Variants in GPHN observed in about 807,000 individuals in gnomAD.
GPHN encodes gephyrin.
In GPHN, 17 loss-of-function variants were observed where a neutral mutation model predicts 95.5. The ratio of observed to expected loss-of-function variants is 0.18; its 90% CI spans 0.12 to 0.27. The LOEUF is 0.27. Among genes scored for constraint, GPHN ranks in the 10% least tolerant of loss-of-function variants. The pLI, the probability that GPHN is intolerant of heterozygous loss-of-function variation, is 1.00. For missense variants in GPHN, 660 were observed against 978.1 expected (o/e 0.67, Z 4.34); for synonymous variants, 320 against 322.5 (o/e 0.99, Z 0.08).
chr14:67,192,881 T>TATCTATATATATATAGATATATATAG, the GPHN span, among the ~76,000 whole-genome samples: 1 of 146,608 alleles, frequency 6.8e-6, no homozygotes, highest in Admixed American at 6.9e-5. Flanking sequence ...TATATAGATA[T>TATCTATATATATATAGATATATATAG]ATATCTAGAT....
chr14:67,337,743 C>T, the GPHN span: 15 of 152,280 alleles, frequency 9.9e-5, no homozygotes, highest in African/African-American at 3.6e-4. Flanking sequence ...CACTCAAATG[C>T]TTCATCTTCA....
the GPHN span, among the ~76,000 whole-genome samples, chr14:67,694,864 A>G: frequency 6.6e-6 from 1 of 152,212 alleles, no homozygotes; most frequent in Middle Eastern, 3.4e-3. Flanking sequence ...GTGTCTGTCT[A>G]TTCAGTCACT....
chr14:67,501,450 G>A, the GPHN span, among the ~76,000 whole-genome samples: 172 of 152,138 alleles, frequency 1.1e-3, 2 homozygotes, highest in Non-Finnish European at 1.5e-3. Context: ...CTGCAGCCTC[G>A]ACCTCCTGGG....
the GPHN span, among the ~76,000 whole-genome samples, chr14:67,475,618 G>C: frequency 6.6e-6 from 1 of 152,146 alleles, no homozygotes; most frequent in Admixed American, 6.5e-5. Context: ...TCTCATTGTG[G>C]TCACATTTGT....
chr14:66,907,561 A>G (rs1275859228), intron 5 of GPHN, among the ~76,000 whole-genome samples: 1 of 148,556 alleles, frequency 6.7e-6, no homozygotes, highest in African/African-American at 2.4e-5. Context: ...AAGGCTTAAT[A>G]TATGCAAATT....
intron 1 of GPHN, among the ~76,000 whole-genome samples, chr14:66,587,847 A>G (rs2140556372): frequency 6.6e-6 from 1 of 152,298 alleles, no homozygotes; most frequent in East Asian, 1.9e-4. Context: ...GCCAGCTCTG[A>G]AGAGAGCAGC....
At chr14:67,174,999 T>G (rs2082846408) in intron 21 of GPHN, among the ~76,000 whole-genome samples, 1 of 152,226 alleles carries the variant, frequency 6.6e-6, no homozygotes, top group African/African-American at 2.4e-5. Context: ...ATGGGTAGAT[T>G]GTAAAAAATT....
At chr14:67,719,161 C>T in the GPHN span, among the ~76,000 whole-genome samples, 2 of 152,188 alleles carry the variant, frequency 1.3e-5, no homozygotes, top group Non-Finnish European at 2.9e-5. Flanking sequence ...CAATCATTGC[C>T]TATGGATGAC....
chr14:67,199,899 C>T, the GPHN span: 2 of 1,481,814 alleles, frequency 1.3e-6, no homozygotes, highest in African/African-American at 2.8e-5. Context: ...CGGCAGGAAC[C>T]CCAGGGGCAG....
chr14:67,296,675 T>C, the GPHN span, among the ~76,000 whole-genome samples: 7 of 152,140 alleles, frequency 4.6e-5, no homozygotes, highest in South Asian at 4.1e-4. Flanking sequence ...TGGATTACTT[T>C]GGTAAATATT....
chr14:67,153,463 G>T (rs980533389), intron 18 of GPHN, among the ~76,000 whole-genome samples: 1 of 152,082 alleles, frequency 6.6e-6, no homozygotes, highest in Non-Finnish European at 1.5e-5. Context: ...TAACTCTCTG[G>T]CCTCTTCTTA....
chr14:66,607,136 G>A (rs552482057), intron 1 of GPHN, among the ~76,000 whole-genome samples: 2 of 152,066 alleles, frequency 1.3e-5, no homozygotes, highest in East Asian at 1.9e-4. Flanking sequence ...ATTATTGTGA[G>A]GTATGTTCCT....
chr14:66,552,605 A>T (rs1490277760), intron 1 of GPHN, among the ~76,000 whole-genome samples: 2 of 152,318 alleles, frequency 1.3e-5, no homozygotes, highest in East Asian at 3.9e-4. Context: ...TACAATGTAG[A>T]TTGACTGGCA....
chr14:66,647,089 A>T (rs1183028157), intron 1 of GPHN, among the ~76,000 whole-genome samples: 1 of 147,322 alleles, frequency 6.8e-6, no homozygotes. Flanking sequence ...ATTTTTTTTT[A>T]AAGTCAGGGT....
intron 17 of GPHN, among the ~76,000 whole-genome samples, chr14:67,136,259 G>A (rs915704707): frequency 6.6e-6 from 1 of 152,192 alleles, no homozygotes; most frequent in Admixed American, 6.5e-5. Flanking sequence ...TGAGAATGGA[G>A]TTACAGTGGG....
intron 1 of GPHN, among the ~76,000 whole-genome samples, chr14:66,577,664 T>C (rs1454059318): frequency 6.6e-6 from 1 of 152,174 alleles, no homozygotes; most frequent in Non-Finnish European, 1.5e-5. Context: ...TTTACTGTTC[T>C]GATAAGTCTC....
At chr14:67,258,239 A>T in the GPHN span, among the ~76,000 whole-genome samples, 5 of 152,218 alleles carry the variant, frequency 3.3e-5, no homozygotes, top group East Asian at 7.8e-4. Context: ...CTCATCCATA[A>T]AAATTTGATA....
At chr14:66,620,178 G>A (rs1186245812) in intron 1 of GPHN, among the ~76,000 whole-genome samples, 1 of 152,112 alleles carries the variant, frequency 6.6e-6, no homozygotes, top group African/African-American at 2.4e-5. Flanking sequence ...CTGACAGTGT[G>A]GTAATAAGTC....
intron 8 of GPHN, among the ~76,000 whole-genome samples, chr14:66,950,318 A>C (rs189826686): frequency 3.9e-5 from 6 of 152,132 alleles, no homozygotes; most frequent in African/African-American, 1.4e-4. Context: ...GTAGATCCTC[A>C]CTACTCCATG....
Sources: allele counts gnomAD v4.1 joint callset (sites outside exome capture counted in the v4.1 genomes callset), GRCh38; gene constraint gnomAD v4.1.1; transcripts MANE v1.5; gene names NCBI Gene and HGNC (gene_info 2026-07-23, HGNC 2026-07-21).